COP1: variants seen among roughly 807,000 people sequenced by gnomAD.
The protein encoded by COP1 is COP1 E3 ubiquitin ligase.
COP1 carries 24 observed loss-of-function variants against 101.3 expected under a neutral mutation model. The ratio of observed to expected loss-of-function variants is 0.24; its 90% CI spans 0.17 to 0.33. The LOEUF is 0.33. Ranked by LOEUF, COP1 falls within the 10% of genes least tolerant of loss-of-function variation. The pLI, the probability that COP1 is intolerant of heterozygous loss-of-function variation, is 1.00. For missense variants in COP1, 663 were observed against 906.2 expected, an observed-to-expected ratio of 0.73 and a Z score of 3.45; for synonymous variants, 347 against 341.9, an observed-to-expected ratio of 1.01 and a Z score of -0.17.
intron 15 of COP1, among the ~76,000 whole-genome samples, chr1:176,012,877 C>CA (rs1294475400): frequency 2.6e-5 from 4 of 152,102 alleles, no homozygotes; most frequent in Admixed American, 2.6e-4. Flanking sequence ...TCCACAATGA[C>CA]AAAATCTAAT....
chr1:176,088,527 C>A (rs1680649471), intron 9 of COP1, among the ~76,000 whole-genome samples: 1 of 152,030 alleles, frequency 6.6e-6, no homozygotes, highest in African/African-American at 2.4e-5. Context: ...CTCACTCAAG[C>A]AAATACATAA....
At chr1:176,170,130 C>T (rs961143968) in intron 3 of COP1, among the ~76,000 whole-genome samples, 2 of 152,206 alleles carry the variant, frequency 1.3e-5, no homozygotes, top group African/African-American at 4.8e-5. Context: ...TGGCTACTTC[C>T]TCCACATATG....
At chr1:175,992,405 G>T (rs1036728330) in intron 15 of COP1, among the ~76,000 whole-genome samples, 1 of 152,176 alleles carries the variant, frequency 6.6e-6, no homozygotes, top group Non-Finnish European at 1.5e-5. Context: ...CAGGAGAGTG[G>T]GTGCAGCGCA....
chr1:176,106,363 T>C (rs1461634606), intron 9 of COP1, among the ~76,000 whole-genome samples: 2 of 152,090 alleles, frequency 1.3e-5, no homozygotes, highest in Non-Finnish European at 2.9e-5. Context: ...ACAAAGACCA[T>C]AACAGCCCTT....
chr1:176,132,520 TACAC>T lies in COP1; in HGVS notation c.968+2486_968+2489del, dbSNP rs376252109. 5.3e-3 allele frequency among the ~76,000 whole-genome samples: 795 copies of T among 149,950 alleles called. 10 individuals are homozygous for T. The highest frequency in any genetic ancestry group is 0.019 in the African/African-American group (759 of 40,840). ...GGGGGTATGTATGTGTGTGTGTATATACACACACACATATATGAATATATACACA... is the reference window on the plus strand; with the variant it reads ...GGGGGTATGTATGTGTGTGTGTATATACACACATATATGAATATATACACA... On this transcript the variant is annotated intron_variant, in intron 8 of 19. Transcript: ENST00000367669.
chr1:176,099,202 T>C (rs1293946128), intron 9 of COP1, among the ~76,000 whole-genome samples: 1 of 152,202 alleles, frequency 6.6e-6, no homozygotes. Flanking sequence ...TAACAAGCTA[T>C]AGGACTCTAA....
chr1:176,104,075 A>G (rs1017408227), intron 9 of COP1, among the ~76,000 whole-genome samples: 3 of 152,172 alleles, frequency 2.0e-5, no homozygotes, highest in Non-Finnish European at 4.4e-5. Flanking sequence ...ACAATACAGA[A>G]ACAGAAACAG....
At chr1:176,173,841 A>C (rs1696497747) in intron 3 of COP1, among the ~76,000 whole-genome samples, 1 of 151,574 alleles carries the variant, frequency 6.6e-6, no homozygotes, top group Admixed American at 6.6e-5. Flanking sequence ...CACAAAAATT[A>C]GCCGGGTACA....
chr1:176,199,380 T>C (rs1700046820), intron 1 of COP1, among the ~76,000 whole-genome samples: 1 of 140,276 alleles, frequency 7.1e-6, no homozygotes, highest in African/African-American at 2.5e-5. Flanking sequence ...TTGCAGTTTA[T>C]TTTAAAACTA....
intron 11 of COP1, among the ~76,000 whole-genome samples, chr1:176,056,120 T>G (rs1673435350): frequency 6.6e-6 from 1 of 152,210 alleles, no homozygotes; most frequent in Non-Finnish European, 1.5e-5. Context: ...TCCTGTTTTC[T>G]AAGTTTGTAA....
chr1:176,055,248 A>G (rs1673251479), intron 11 of COP1, among the ~76,000 whole-genome samples: 1 of 152,226 alleles, frequency 6.6e-6, no homozygotes, highest in Non-Finnish European at 1.5e-5. Flanking sequence ...AGCCTGGCCA[A>G]CACGATGAAA....
intron 15 of COP1, among the ~76,000 whole-genome samples, chr1:175,996,503 C>G (rs371839739): frequency 2.0e-5 from 3 of 150,232 alleles, no homozygotes; most frequent in South Asian, 4.2e-4. Context: ...AAAACCCCAT[C>G]GTCTCAGCCC....
intron 18 of COP1, among the ~76,000 whole-genome samples, chr1:175,947,894 T>G (rs913637056): frequency 1.3e-5 from 2 of 152,140 alleles, no homozygotes; most frequent in Non-Finnish European, 2.9e-5. Context: ...AGTGAATAAT[T>G]GCTTTCCCAG....
chr1:176,082,382 T>A (rs1012349346), intron 10 of COP1, among the ~76,000 whole-genome samples: 1 of 152,186 alleles, frequency 6.6e-6, no homozygotes, highest in Non-Finnish European at 1.5e-5. Flanking sequence ...GATGCAAGAA[T>A]TATTAAGTCA....
At chr1:176,130,349 C>T (rs903057373) in intron 8 of COP1, among the ~76,000 whole-genome samples, 3 of 151,708 alleles carry the variant, frequency 2.0e-5, no homozygotes, top group Non-Finnish European at 4.4e-5. Flanking sequence ...ACTATGCTTG[C>T]CTACCAATCT....
At chr1:176,046,789 T>A (rs964328817) in intron 11 of COP1, among the ~76,000 whole-genome samples, 1 of 152,062 alleles carries the variant, frequency 6.6e-6, no homozygotes, top group African/African-American at 2.4e-5. Flanking sequence ...ATAATTTGAA[T>A]TACTGAAGCA....
chr1:176,032,412 A>T (rs1324141812), intron 14 of COP1, among the ~76,000 whole-genome samples: 2 of 152,250 alleles, frequency 1.3e-5, no homozygotes, highest in Admixed American at 1.3e-4. Flanking sequence ...ATTAGTAGCT[A>T]GACGTTGTCA....
chr1:176,012,488 A>G (rs1278160081), intron 15 of COP1, among the ~76,000 whole-genome samples: 1 of 152,208 alleles, frequency 6.6e-6, no homozygotes, highest in East Asian at 1.9e-4. Flanking sequence ...AAGTAAAAAA[A>G]TTACATTAAG....
chr1:176,006,949 A>C (rs1246766747), intron 15 of COP1, among the ~76,000 whole-genome samples: 1 of 152,040 alleles, frequency 6.6e-6, no homozygotes, highest in Non-Finnish European at 1.5e-5. Context: ...AGTGTTTTCC[A>C]ACTTGGTTCC....
Sources: gnomAD v4.1 joint callset for allele counts (sites outside exome capture counted in the v4.1 genomes callset) on GRCh38, gnomAD v4.1.1 for gene constraint, MANE v1.5 for transcripts, NCBI Gene and HGNC (gene_info 2026-07-23, HGNC 2026-07-21) for gene names.